The following MRPL39 variants were observed in gnomAD, a reference collection of about 807,000 sequenced individuals.
MRPL39 encodes mitochondrial ribosomal protein L39, also known as large ribosomal subunit protein mL39.
A neutral mutation model predicts 44.5 loss-of-function variants in MRPL39; 35 were observed. The observed-to-expected ratio is 0.79, with a 90% CI of 0.60 to 1.04. MRPL39 has a LOEUF of 1.04. Ranked by LOEUF, MRPL39 falls within the 50% of genes least tolerant of loss-of-function variation. The pLI, the probability that MRPL39 is intolerant of heterozygous loss-of-function variation, is 0.00. For synonymous variants in MRPL39, 139 were observed against 136.1 expected (o/e 1.02, Z -0.15); for missense variants, 433 against 413.5 (o/e 1.05, Z -0.41).
Position 25,599,804 on chromosome 21 carries a change from T to C in MRPL39, c.583A>G (p.Thr195Ala), listed in dbSNP as rs773304757. 7.4e-6 allele frequency: 12 copies of C among 1,611,130 alleles called. No individual in the cohort carries two copies. Among genetic ancestry groups the C allele is most frequent in the African/African-American group, 1.3e-5 (1 of 74,880 alleles). The change falls in exon 5 of 10, where the codon ACA becomes GCA. Residue 195 changes from threonine to alanine, a missense_variant. Physicochemically the swap from Thr to Ala is moderately conservative, Grantham distance 58. Coordinates refer to ENST00000352957, the MANE Select transcript of MRPL39 (RefSeq NM_017446.4). Reference protein sequence around the residue: ...LDSKLDEWMPTKENLRSFTKD... With the variant: ...LDSKLDEWMPAKENLRSFTKD... ...CTCCAGAAGAATACACTTACTTTTG[T>C]TGGCATCCACTCATCAAGTTTGCTA...
chr21:25,606,455 C>A lies in MRPL39; in HGVS notation c.274G>T (p.Ala92Ser). The A allele has an allele frequency of 2.5e-6, 4 of 1,600,252 alleles. No individual in the cohort carries two copies. Among genetic ancestry groups the A allele is most frequent in the Non-Finnish European group, 3.4e-6 (4 of 1,172,684 alleles). Reference protein sequence around the residue: ...NKNISTPYSCAMHLSEWYCRK... With the variant: ...NKNISTPYSCSMHLSEWYCRK... ...ACCTGATTCTGCTACTTACGCATGG[C>A]ACAACTGTAGGGAGTTGAAATGTTT... Residue 92 changes from alanine (A) to serine (S), a missense_variant, in exon 2 of 10, where the codon GCC (alanine) becomes TCC (serine). Coordinates refer to ENST00000352957, the MANE Select transcript of MRPL39 (RefSeq NM_017446.4).
chr21:25,591,512 G>C (rs2031178901), intron 8 of MRPL39, among the ~76,000 whole-genome samples: 1 of 151,942 alleles, frequency 6.6e-6, no homozygotes, highest in Non-Finnish European at 1.5e-5. Context: ...ACTAGCAAAA[G>C]ACATAAACAG....
intron 6 of MRPL39, among the ~76,000 whole-genome samples, chr21:25,595,546 G>A: frequency 6.6e-6 from 1 of 152,226 alleles, no homozygotes; most frequent in Non-Finnish European, 1.5e-5. Context: ...CTGAATGGAA[G>A]TCAAAAGTAC....
At chr21:25,605,568 C>A (rs568060979) in intron 2 of MRPL39, among the ~76,000 whole-genome samples, 35 of 152,240 alleles carry the variant, frequency 2.3e-4, no homozygotes, top group African/African-American at 8.4e-4. Flanking sequence ...CCATGGCAAT[C>A]CCTTTACACC....
In MRPL39 at chr21:25,588,864, C is replaced by G. The variant is rs779859677; in HGVS notation, c.940G>C (p.Asp314His). 6.2e-7 allele frequency: 1 copy of G among 1,613,006 alleles called. No individual in the cohort carries two copies. The highest frequency in any genetic ancestry group is 8.5e-7 in the Non-Finnish European group (1 of 1,179,394). Residue 314 changes from aspartate to histidine, a missense_variant, in exon 9 of 10, where the codon GAT (aspartate) becomes CAT (histidine). Coordinates refer to ENST00000352957, the MANE Select transcript of MRPL39 (RefSeq NM_017446.4). ...VHLRAHFTIW[D>H]KLLERSRKMV... ...TTCCGAGATCTTTCCAATAGCTTATCCCATATTGTAAAATGTGCCTTGAAA... is the reference window on the plus strand; with the variant it reads ...TTCCGAGATCTTTCCAATAGCTTATGCCATATTGTAAAATGTGCCTTGAAA...
intron 8 of MRPL39, 37 bp downstream of exon 8, chr21:25,592,775 C>T: frequency 2.0e-6 from 3 of 1,487,382 alleles, no homozygotes; most frequent in East Asian, 2.3e-5. Flanking sequence ...ATATCTATAC[C>T]CAAATTGGAA....
At position 25,593,136 on chromosome 21, in the gene MRPL39, C is replaced by T. The variant is rs563737898; in HGVS notation, c.768-171G>A. On this transcript the variant is annotated intron_variant, in intron 7 of 9. Transcript: ENST00000352957. ...GACATAATGATCTCAAGTAAAGAGGCTAAAACTTTGAAAATTAAATCAAAT... is the reference window on the plus strand; with the variant it reads ...GACATAATGATCTCAAGTAAAGAGGTTAAAACTTTGAAAATTAAATCAAAT... Among the ~76,000 whole-genome samples the T allele has an allele frequency of 2.3e-3, 356 of 152,212 alleles. 4 individuals carry two copies. The highest frequency in any genetic ancestry group is 8.4e-3 in the African/African-American group (348 of 41,524).
In MRPL39 at chr21:25,601,459, C is replaced by A; in HGVS notation, c.429G>T (p.Trp143Cys). 2.5e-6 allele frequency: 4 copies of A among 1,575,550 alleles called. No homozygotes were observed. In the African/African-American group the frequency reaches 4.1e-5, roughly 16 times the overall value. The change falls in exon 4 of 10, where the codon TGG becomes TGT. Residue 143 changes from tryptophan (W) to cysteine (C), a missense_variant. Transcript: ENST00000352957. ...AGCCCATCATCATAGCACAGGAACGCCAATATGCCTAGAAAAAAAATATAC... is the reference window on the plus strand; with the variant it reads ...AGCCCATCATCATAGCACAGGAACGACAATATGCCTAGAAAAAAAATATAC... The part of the protein sequence containing the change: ...CDPGEVNKAY[W>C]RSCAMMMGCV...
At chr21:25,597,136 G>A (rs1386426020) in intron 6 of MRPL39, among the ~76,000 whole-genome samples, 166 bp downstream of exon 6, 1 of 152,144 alleles carries the variant, frequency 6.6e-6, no homozygotes, top group Non-Finnish European at 1.5e-5. Context: ...AAGGGACATG[G>A]GTAACATTTT....
chr21:25,606,444 C>A lies in MRPL39; in HGVS notation c.280+5G>T. The A allele has an allele frequency of 6.3e-7, 1 of 1,588,856 alleles. No individual in the cohort carries two copies. Among genetic ancestry groups the A allele is most frequent in the South Asian group, 1.1e-5 (1 of 86,998 alleles). ...TCAAAACTGTAACCTGATTCTGCTACTTACGCATGGCACAACTGTAGGGAG... is the reference window on the plus strand; with the variant it reads ...TCAAAACTGTAACCTGATTCTGCTAATTACGCATGGCACAACTGTAGGGAG... On this transcript the variant is annotated splice_donor_5th_base_variant and intron_variant, in intron 2 of 9. Coordinates refer to ENST00000352957, the MANE Select transcript of MRPL39 (RefSeq NM_017446.4).
At chr21:25,590,267 AAAC>A (rs1246823595) in intron 8 of MRPL39, among the ~76,000 whole-genome samples, 6 of 152,134 alleles carry the variant, frequency 3.9e-5, no homozygotes, top group Non-Finnish European at 8.8e-5. Context: ...GGATTACCTT[AAAC>A]AACTAAGGAA....
At chr21:25,593,826 T>C in intron 7 of MRPL39, 67 bp downstream of exon 7, 7 of 1,358,584 alleles carry the variant, frequency 5.2e-6, no homozygotes, top group Non-Finnish European at 7.2e-6. Context: ...GTCATATGCT[T>C]CATTCAGATA....
intron 9 of MRPL39, 81 bp downstream of exon 9, chr21:25,588,754 T>G (rs2031080977): frequency 7.8e-7 from 1 of 1,282,178 alleles, no homozygotes; most frequent in East Asian, 2.4e-5. Context: ...TTCTTTCATT[T>G]TTCCCCCCTT....
At chr21:25,602,227 ACTT>A (rs1218330176) in intron 3 of MRPL39, among the ~76,000 whole-genome samples, 5 of 152,250 alleles carry the variant, frequency 3.3e-5, no homozygotes, top group Non-Finnish European at 7.3e-5. Flanking sequence ...AGCAACATGT[ACTT>A]CTTCATCTAT....
Position 25,599,800 on chromosome 21 carries a change from T to G in MRPL39, c.587A>C (p.Lys196Thr), listed in dbSNP as rs762000132. The change falls in exon 5 of 10, where the codon AAA becomes ACA. Residue 196 changes from lysine (K) to threonine (T), a missense_variant and splice_region_variant. Transcript: ENST00000352957. ...AATACTCCAGAAGAATACACTTACT[T>G]TTGTTGGCATCCACTCATCAAGTTT... ...DSKLDEWMPT[K>T]ENLRSFTKDA... 6.2e-7 allele frequency: 1 copy of G among 1,609,214 alleles called. No homozygotes were observed. The highest frequency in any genetic ancestry group is 1.1e-5 in the South Asian group (1 of 90,946).
intron 9 of MRPL39, 25 bp from the exon 10 acceptor site, chr21:25,585,779 T>C: frequency 1.3e-6 from 2 of 1,549,730 alleles, no homozygotes. Flanking sequence ...ATAGCTTTAC[T>C]TTCCTAATAA....
chr21:25,591,924 T>C (rs540570012), intron 8 of MRPL39, among the ~76,000 whole-genome samples: 64 of 152,244 alleles, frequency 4.2e-4, no homozygotes, highest in Non-Finnish European at 6.2e-4. Context: ...TGTCCTTTGA[T>C]GGATGAATGG....
chr21:25,591,947 T>C (rs2031191292), intron 8 of MRPL39, among the ~76,000 whole-genome samples: 1 of 152,240 alleles, frequency 6.6e-6, no homozygotes. Context: ...AAACAAACCA[T>C]GATACATCCA....
chr21:25,601,493 A>AAC (rs1246337311), intron 3 of MRPL39, 26 bp from the exon 4 acceptor site: 1 of 1,403,110 alleles, frequency 7.1e-7, no homozygotes. Context: ...ACATATATAA[A>AAC]ATATATATAA....
Sources: allele counts gnomAD v4.1 joint callset (sites outside exome capture counted in the v4.1 genomes callset), GRCh38; gene constraint gnomAD v4.1.1; transcripts MANE v1.5; gene names NCBI Gene and HGNC (gene_info 2026-07-23, HGNC 2026-07-21).